Variants in NEMF observed in about 807,000 individuals in gnomAD.
NEMF encodes ribosome quality control complex subunit NEMF.
Under a neutral mutation model 162.2 loss-of-function variants are expected in NEMF, and 89 were observed. The ratio of observed to expected loss-of-function variants is 0.55; its 90% CI spans 0.46 to 0.65. NEMF has a LOEUF of 0.65. Among genes scored for constraint, NEMF ranks in the 30% least tolerant of loss-of-function variants. The probability of loss-of-function intolerance (pLI) is 0.00; values close to 1 mark genes in which losing one functional copy is unlikely to be tolerated. For missense variants in NEMF, 1,133 were observed against 1,261.9 expected (o/e 0.90, Z 1.55); for synonymous variants, 421 against 404.5 (o/e 1.04, Z -0.49).
At chr14:49,842,120 T>C (rs1594803166) in intron 4 of NEMF, among the ~76,000 whole-genome samples, 1 of 141,626 alleles carries the variant, frequency 7.1e-6, no homozygotes, top group East Asian at 2.1e-4. Flanking sequence ...AAAAAAGATG[T>C]TCACTGAAAT....
At chr14:49,814,333 C>T (rs1023271411) in intron 17 of NEMF, among the ~76,000 whole-genome samples, 9 of 152,000 alleles carry the variant, frequency 5.9e-5, no homozygotes, top group Admixed American at 2.0e-4. Context: ...GAACTCCTGA[C>T]CTCAGGTGAT....
chr14:49,829,868 G>A (rs1285972714), intron 11 of NEMF, among the ~76,000 whole-genome samples: 1 of 152,122 alleles, frequency 6.6e-6, no homozygotes, highest in African/African-American at 2.4e-5. Flanking sequence ...GCCTCCCAGA[G>A]TGCTGGGATT....
At chr14:49,805,816 T>C (rs1401511636) in intron 19 of NEMF, among the ~76,000 whole-genome samples, 2 of 152,130 alleles carry the variant, frequency 1.3e-5, no homozygotes, top group African/African-American at 2.4e-5. Flanking sequence ...TCCAAAACGG[T>C]ATCCCCTATC....
rs1326261556 is a variant in NEMF at position 49,828,867 on chromosome 14, TTTC to T, written c.1233-63_1233-61del. On this transcript the variant is annotated intron_variant, in intron 13 of 32. Transcript: ENST00000298310. Reference sequence around the variant, plus strand: ...CAATGACATCACTTTTATTTTCAATTTTCTTCTTCAATAAAATTATAAATGGTT... The same window carrying T: ...CAATGACATCACTTTTATTTTCAATTTTCTTCAATAAAATTATAAATGGTT... 2.0e-5 allele frequency: 28 copies of T among 1,383,222 alleles called. 1 individual carries two copies. The East Asian group carries it at 3.9e-4, about 19-fold the overall frequency. The allele number at this position is 1,383,222 out of a possible 1,614,324, so 85.7% of individuals were successfully genotyped here. A position where few individuals can be genotyped will look rare whatever the true frequency, so the allele number is the denominator to read the frequency against.
intron 4 of NEMF, among the ~76,000 whole-genome samples, chr14:49,842,972 C>G (rs578219391): frequency 5.9e-5 from 9 of 151,940 alleles, no homozygotes; most frequent in Non-Finnish European, 1.2e-4. Flanking sequence ...CACCACTGCA[C>G]TCCAGCCTGG....
intron 26 of NEMF, among the ~76,000 whole-genome samples, chr14:49,794,577 C>T (rs1890598303): frequency 6.7e-6 from 1 of 148,796 alleles, no homozygotes. Context: ...CTGTAAATAG[C>T]CACTACACTC....
chr14:49,839,071 T>TA (rs1485858320), intron 5 of NEMF, among the ~76,000 whole-genome samples: 2 of 150,996 alleles, frequency 1.3e-5, no homozygotes, highest in South Asian at 2.1e-4. Context: ...ATGTTAATTT[T>TA]TTTTTTTTTA....
At chr14:49,819,661 G>A (rs999036760) in intron 16 of NEMF, among the ~76,000 whole-genome samples, 1 of 152,018 alleles carries the variant, frequency 6.6e-6, no homozygotes, top group Admixed American at 6.6e-5. Context: ...TTATCTGCCC[G>A]CCTATGGTCT....
intron 4 of NEMF, among the ~76,000 whole-genome samples, chr14:49,843,234 C>G (rs1266097609): frequency 6.6e-6 from 1 of 151,970 alleles, no homozygotes; most frequent in Non-Finnish European, 1.5e-5. Flanking sequence ...GTGGCTCACC[C>G]CCGTAATCCC....
At chr14:49,809,911 A>G (rs138977126) in intron 18 of NEMF, among the ~76,000 whole-genome samples, 19 of 151,990 alleles carry the variant, frequency 1.3e-4, no homozygotes, top group African/African-American at 4.3e-4. Context: ...GGCCATAATG[A>G]TGTGTCAATG....
At chr14:49,807,387 T>G (rs1341356118) in intron 18 of NEMF, among the ~76,000 whole-genome samples, 1 of 152,128 alleles carries the variant, frequency 6.6e-6, no homozygotes, top group Non-Finnish European at 1.5e-5. Context: ...TTGCTCATCT[T>G]GGGTATATAC....
At chr14:49,800,812 A>C in intron 22 of NEMF, 116 bp from the exon 23 acceptor site, 2 of 988,790 alleles carry the variant, frequency 2.0e-6, no homozygotes, top group Non-Finnish European at 3.0e-6. Flanking sequence ...AAAAATCAAC[A>C]GAAAAGTGTC....
intron 27 of NEMF, 74 bp downstream of exon 27, chr14:49,789,422 C>T (rs1036451965): frequency 1.2e-6 from 2 of 1,611,272 alleles, no homozygotes; most frequent in East Asian, 2.2e-5. Flanking sequence ...TATTGAATGC[C>T]TGTCATACGC....
At chr14:49,824,520 G>T (rs1022601119) in intron 16 of NEMF, among the ~76,000 whole-genome samples, 6 of 116,468 alleles carry the variant, frequency 5.2e-5, no homozygotes, top group Admixed American at 2.1e-4. Context: ...CTCCAGCCTG[G>T]GCAATAAAAG....
chr14:49,836,227 C>T (rs575644173), intron 6 of NEMF, among the ~76,000 whole-genome samples: 12 of 152,020 alleles, frequency 7.9e-5, no homozygotes, highest in Non-Finnish European at 1.2e-4. Flanking sequence ...TGCAGTGAGC[C>T]GAGATCATGC....
At chr14:49,833,053 G>A (rs1429266529) in intron 8 of NEMF, among the ~76,000 whole-genome samples, 1 of 152,076 alleles carries the variant, frequency 6.6e-6, no homozygotes, top group Non-Finnish European at 1.5e-5. Flanking sequence ...ATCACTTGAG[G>A]TCAGGAGTTC....
At chr14:49,785,393 T>G (rs905490354) in intron 29 of NEMF, 73 bp from the exon 30 acceptor site, 13 of 955,222 alleles carry the variant, frequency 1.4e-5, no homozygotes, top group Non-Finnish European at 1.9e-5. Context: ...ACACTTGAAT[T>G]AGTATCTCAA....
intron 6 of NEMF, among the ~76,000 whole-genome samples, chr14:49,835,535 A>G (rs1185373613): frequency 6.6e-6 from 1 of 152,218 alleles, no homozygotes; most frequent in East Asian, 1.9e-4. Flanking sequence ...AAGGACACCT[A>G]TGAAAAACCT....
intron 5 of NEMF, 62 bp downstream of exon 5, chr14:49,840,656 C>G: frequency 7.0e-7 from 1 of 1,426,196 alleles, no homozygotes; most frequent in Non-Finnish European, 9.6e-7. Flanking sequence ...GACAGGGTCT[C>G]ATTATGTTGC....
Sources: gnomAD v4.1 joint callset for allele counts (sites outside exome capture counted in the v4.1 genomes callset) on GRCh38, gnomAD v4.1.1 for gene constraint, MANE v1.5 for transcripts, NCBI Gene and HGNC (gene_info 2026-07-23, HGNC 2026-07-21) for gene names.